The following PGBD5 variants were observed in gnomAD, a reference collection of about 807,000 sequenced individuals.
PGBD5 encodes piggyBac transposable element-derived protein 5.
A neutral mutation model predicts 47.9 loss-of-function variants in PGBD5; 14 were observed. That is an observed-to-expected ratio of 0.29 (90% CI 0.19 to 0.46). The LOEUF (loss-of-function observed/expected upper bound fraction) is 0.46, where lower values mean the gene tolerates loss of function less well. Among genes scored for constraint, PGBD5 ranks in the 20% least tolerant of loss-of-function variants. PGBD5 has a pLI of 1.00. For synonymous variants in PGBD5, 316 were observed against 306.3 expected (o/e 1.03, Z -0.33); for missense variants, 635 against 716.0 (o/e 0.89, Z 1.29).
At chr1:230,334,864 C>A (rs534866393) in intron 4 of PGBD5, among the ~76,000 whole-genome samples, 63 of 152,200 alleles carry the variant, frequency 4.1e-4, no homozygotes, top group South Asian at 2.1e-4. Context: ...CTAGAAGATT[C>A]TTTTCCCATC....
chr1:230,351,003 G>A lies in PGBD5; in HGVS notation c.849C>T (p.Phe283=). ...RELRKRKKRK[F]SLWVRQCSST... is the part of the protein sequence containing the mutation. ...AAGAACATTGTCTGACCCAGAGGCT[G>A]AATTTCCGCTTTTTCCTCTTTCGCA... Residue 283 remains phenylalanine, a synonymous_variant, in exon 3 of 7, where the codon TTC becomes TTT. Transcript: ENST00000391860. The A allele has an allele frequency of 6.2e-7, 1 of 1,614,178 alleles. No individual in the cohort carries two copies. Among genetic ancestry groups the A allele is most frequent in the Non-Finnish European group, 8.5e-7 (1 of 1,180,024 alleles).
Position 230,425,738 on chromosome 1 carries a change from C to G in PGBD5, c.191G>C (p.Arg64Pro). 4 of 1,212,326 alleles carry G rather than the reference C, an allele frequency of 3.3e-6. No homozygotes were observed. The highest frequency in any genetic ancestry group is 4.1e-6 in the Non-Finnish European group (4 of 975,524). The allele number at this position is 1,212,326 out of a possible 1,614,324, so 75.1% of individuals were successfully genotyped here. Residue 64 changes from arginine to proline, a missense_variant, in exon 1 of 7, where the codon CGC becomes CCC. By Grantham distance (103) the Arg-to-Pro change is moderately radical. Transcript: ENST00000391860. This position sits in a 1 kb window ranked among gnomAD's most constrained non-coding sequence, Gnocchi z 4.7. ...SSSAASSDDE[R>P]EPPGPPGAAP... ...GGCCCCTGGGGGTCCCGGGGGCTCG[C>G]GCTCGTCGTCCGAGGAGGCGGCCGA...
In PGBD5 at chr1:230,339,783, A is replaced by T. The variant is rs1271422832; in HGVS notation, c.895-2495T>A. 2.6e-5 allele frequency among the ~76,000 whole-genome samples: 4 copies of T among 152,214 alleles called. No individual in the cohort carries two copies. In the South Asian group the frequency reaches 6.2e-4, roughly 24 times the overall value. ...AGAAACACTGTATGATCCCACTTGC[A>T]TGTGAACTTCAAGTTGAACTAATAG... On this transcript the variant is annotated intron_variant, in intron 3 of 6. Transcript: ENST00000391860.
In PGBD5 at chr1:230,315,844, A is replaced by ATATC. The variant is rs1666928780; in HGVS notation, c.*7577_*7580dup. ...CATATAGAGGTATACATATAGATGC[A>ATATC]TATCTGTATACATGTGTATATATAT... On this transcript the variant is annotated 3_prime_UTR_variant, in exon 7 of 7. Coordinates refer to ENST00000391860, the MANE Select transcript of PGBD5 (RefSeq NM_001258311.2). 7.6e-6 allele frequency: 1 copy of ATATC among 131,700 alleles called. No homozygotes were observed. The highest frequency in any genetic ancestry group is 1.7e-5 in the Non-Finnish European group (1 of 59,100). The allele number at this position is 131,700 out of a possible 1,614,324, so 8.2% of individuals were successfully genotyped here. A position where few individuals can be genotyped will look rare whatever the true frequency, so the allele number is the denominator to read the frequency against.
intron 1 of PGBD5, among the ~76,000 whole-genome samples, chr1:230,369,663 T>C (rs1383968594): frequency 6.6e-6 from 1 of 152,072 alleles, no homozygotes; most frequent in Non-Finnish European, 1.5e-5. Flanking sequence ...TGTCACAATA[T>C]ATCTGGGGTC....
At chr1:230,376,731 G>A (rs1408969580) in intron 1 of PGBD5, among the ~76,000 whole-genome samples, 1 of 152,156 alleles carries the variant, frequency 6.6e-6, no homozygotes, top group African/African-American at 2.4e-5. Flanking sequence ...GCTGAGGCAG[G>A]TGACTCAGTT....
At chr1:230,411,249 C>T (rs1025105411) in intron 1 of PGBD5, among the ~76,000 whole-genome samples, 2 of 152,202 alleles carry the variant, frequency 1.3e-5, no homozygotes, top group East Asian at 3.8e-4. Flanking sequence ...TGCCATCGCA[C>T]TCCAGCCTGG....
intron 3 of PGBD5, among the ~76,000 whole-genome samples, chr1:230,341,299 C>T (rs1347031351): frequency 6.6e-6 from 1 of 152,138 alleles, no homozygotes; most frequent in Non-Finnish European, 1.5e-5. Context: ...ACTGCTTGGT[C>T]TGATGGCCAG....
chr1:230,366,208 C>G (rs1265787652), intron 1 of PGBD5, among the ~76,000 whole-genome samples: 2 of 152,228 alleles, frequency 1.3e-5, no homozygotes, highest in Non-Finnish European at 2.9e-5. Context: ...CTGCTCTCCT[C>G]TTGACCAAGC....
chr1:230,392,868 G>A lies in PGBD5; in HGVS notation c.331+32730C>T, dbSNP rs1236516203. ...CCTGGCTGACAGCACACTAGACCCCGTGGGGTTCAGCCCCAGAGCCTGGAG... is the reference window on the plus strand; with the variant it reads ...CCTGGCTGACAGCACACTAGACCCCATGGGGTTCAGCCCCAGAGCCTGGAG... On this transcript the variant is annotated intron_variant, in intron 1 of 6. Coordinates refer to ENST00000391860, the MANE Select transcript of PGBD5 (RefSeq NM_001258311.2). Among the ~76,000 whole-genome samples, 8 of 152,082 alleles carry A rather than the reference G, an allele frequency of 5.3e-5. No homozygotes were observed. The East Asian group carries it at 9.7e-4, about 18-fold the overall frequency.
At chr1:230,355,533 A>G (rs1667624382) in intron 2 of PGBD5, among the ~76,000 whole-genome samples, 1 of 152,246 alleles carries the variant, frequency 6.6e-6, no homozygotes, top group African/African-American at 2.4e-5. Flanking sequence ...ATTTAGTGAA[A>G]GAAAAGACAA....
intron 1 of PGBD5, among the ~76,000 whole-genome samples, chr1:230,361,825 A>G (rs1238883279): frequency 6.6e-6 from 1 of 152,220 alleles, no homozygotes; most frequent in Non-Finnish European, 1.5e-5. Flanking sequence ...AGCTGTGCCT[A>G]CAAGAAGGGC....
At chr1:230,337,518 C>A (rs1333525012) in intron 3 of PGBD5, among the ~76,000 whole-genome samples, 1 of 152,098 alleles carries the variant, frequency 6.6e-6, no homozygotes. Flanking sequence ...AAGGTCAAGG[C>A]AGAGGAGGAA....
intron 3 of PGBD5, among the ~76,000 whole-genome samples, chr1:230,339,512 C>T (rs572394661): frequency 2.0e-5 from 3 of 152,294 alleles, no homozygotes; most frequent in Non-Finnish European, 2.9e-5. Flanking sequence ...TCTGAGTACA[C>T]ACCCAAAGGA....
rs573497308 is a variant in PGBD5 at position 230,316,569 on chromosome 1, T to G, written c.*6856A>C. ...CAGGAAAGTCTAGAGAAAGAACTAG[T>G]CAAAAAGTGAAAAATCCTCATCTGC... is the stretch of plus-strand genomic sequence containing the variant. On this transcript the variant is annotated 3_prime_UTR_variant, in exon 7 of 7. Coordinates refer to ENST00000391860, the MANE Select transcript of PGBD5 (RefSeq NM_001258311.2). 6.6e-6 allele frequency: 1 copy of G among 152,170 alleles called. No individual in the cohort carries two copies. Among genetic ancestry groups the G allele is most frequent in the Non-Finnish European group, 1.5e-5 (1 of 67,996 alleles). 9.4% of individuals were successfully genotyped at this position (152,170 alleles called of 1,614,324 possible).
At chr1:230,376,777 T>A (rs776297082) in intron 1 of PGBD5, among the ~76,000 whole-genome samples, 3 of 152,144 alleles carry the variant, frequency 2.0e-5, no homozygotes, top group Non-Finnish European at 4.4e-5. Context: ...GGACTAGGGA[T>A]GTCTAAGGTT....
intron 1 of PGBD5, among the ~76,000 whole-genome samples, chr1:230,392,594 G>A (rs892735756): frequency 1.4e-4 from 22 of 152,146 alleles, no homozygotes; most frequent in Admixed American, 5.9e-4. Flanking sequence ...GCCTCCTCCG[G>A]ACTCTCCTCC....
chr1:230,401,494 C>T (rs1298038413), intron 1 of PGBD5, among the ~76,000 whole-genome samples: 1 of 152,154 alleles, frequency 6.6e-6, no homozygotes, highest in Non-Finnish European at 1.5e-5. Flanking sequence ...AAGGAAAGAT[C>T]CGAGAAACGA....
Position 230,319,287 on chromosome 1 carries a change from C to T in PGBD5, c.*4138G>A, listed in dbSNP as rs1346093508. On this transcript the variant is annotated 3_prime_UTR_variant, in exon 7 of 7. Coordinates refer to ENST00000391860, the MANE Select transcript of PGBD5 (RefSeq NM_001258311.2). ...CCTGGAAGTGTGCCTGCCTGTTAGC[C>T]ACCGCTGTCATACCTTTCAAACACA... 1 of 152,364 alleles carries T rather than the reference C, an allele frequency of 6.6e-6. No homozygotes were observed. The highest frequency in any genetic ancestry group is 1.5e-5 in the Non-Finnish European group (1 of 68,176). 9.4% of individuals were successfully genotyped at this position (152,364 alleles called of 1,614,324 possible).
Sources: gnomAD v4.1 joint callset for allele counts (sites outside exome capture counted in the v4.1 genomes callset) on GRCh38, gnomAD v4.1.1 for gene constraint, Gnocchi (gnomAD v3.1) non-coding constraint, MANE v1.5 for transcripts, NCBI Gene and HGNC (gene_info 2026-07-23, HGNC 2026-07-21) for gene names.